The following MYO3B variants were observed in gnomAD, a reference collection of about 807,000 sequenced individuals.
MYO3B encodes myosin-IIIb.
Under a neutral mutation model 174.6 loss-of-function variants are expected in MYO3B, and 156 were observed. The ratio of observed to expected loss-of-function variants is 0.89; its 90% CI spans 0.78 to 1.02. The LOEUF is 1.02. MYO3B is among the 50% of genes least tolerant of loss of function. MYO3B has a pLI of 0.00. For synonymous variants in MYO3B, 563 were observed against 569.1 expected (o/e 0.99, Z 0.15); for missense variants, 1,632 against 1,639.4 (o/e 1.00, Z 0.08).
At chr2:170,355,812 C>T (rs2094115590) in intron 8 of MYO3B, among the ~76,000 whole-genome samples, 1 of 151,996 alleles carries the variant, frequency 6.6e-6, no homozygotes, top group African/African-American at 2.4e-5. Context: ...GGGGCCTGAC[C>T]CTATAAAAAT....
intron 6 of MYO3B, among the ~76,000 whole-genome samples, chr2:170,218,358 C>G (rs756068909): frequency 5.9e-5 from 9 of 151,942 alleles, no homozygotes; most frequent in East Asian, 1.9e-4. Flanking sequence ...AAACATAAAA[C>G]TAGATATAAA....
chr2:170,556,914 T>G (rs1169379626), intron 32 of MYO3B, among the ~76,000 whole-genome samples: 6 of 152,240 alleles, frequency 3.9e-5, no homozygotes, highest in Admixed American at 3.9e-4. Context: ...TTTCACAGCT[T>G]ATTTCTTTCA....
chr2:170,471,238 T>C (rs1324155399), intron 25 of MYO3B, among the ~76,000 whole-genome samples: 1 of 151,934 alleles, frequency 6.6e-6, no homozygotes, highest in Non-Finnish European at 1.5e-5. Context: ...TTAATAGAGA[T>C]GGGGTTTCAC....
intron 25 of MYO3B, among the ~76,000 whole-genome samples, chr2:170,474,617 C>T (rs1685199308): frequency 6.6e-6 from 1 of 151,216 alleles, no homozygotes; most frequent in African/African-American, 2.4e-5. Context: ...GTGGCGCATG[C>T]CTGTAATCCC....
Position 170,382,049 on chromosome 2 carries a change from T to C in MYO3B, c.1005T>C (p.His335=), listed in dbSNP as rs780444576. 3.1e-6 allele frequency: 5 copies of C among 1,613,644 alleles called. No homozygotes were observed. Among genetic ancestry groups the C allele is most frequent in the Middle Eastern group, 3.3e-4 (2 of 6,060 alleles). The part of the protein sequence containing the change: ...HERMHTRRPY[H]VEDAEKYCLE... ...GGATGCATACCAGAAGACCTTATCATGTGGAAGATGCTGAAAAATACTGCC... is the reference window on the plus strand; with the variant it reads ...GGATGCATACCAGAAGACCTTATCACGTGGAAGATGCTGAAAAATACTGCC... The change falls in exon 10 of 35, where the codon CAT becomes CAC. Residue 335 remains histidine (H), a synonymous_variant. Transcript: ENST00000408978.
At chr2:170,378,540 G>T (rs943873688) in intron 9 of MYO3B, among the ~76,000 whole-genome samples, 1 of 152,120 alleles carries the variant, frequency 6.6e-6, no homozygotes, top group Non-Finnish European at 1.5e-5. Context: ...ATATTATTGG[G>T]GAAGATTTTT....
At chr2:170,352,495 T>C (rs1053468611) in intron 8 of MYO3B, among the ~76,000 whole-genome samples, 13 of 152,190 alleles carry the variant, frequency 8.5e-5, no homozygotes, top group Non-Finnish European at 1.8e-4. Flanking sequence ...TTTCTATCTA[T>C]ATGACCATGC....
At chr2:170,529,362 T>TA (rs113651791) in intron 30 of MYO3B, among the ~76,000 whole-genome samples, 14 of 148,586 alleles carry the variant, frequency 9.4e-5, no homozygotes, top group Admixed American at 2.0e-4. Context: ...AAATAAAAGT[T>TA]AAAAAAAAAA....
chr2:170,261,895 T>C (rs1311852369), intron 7 of MYO3B, among the ~76,000 whole-genome samples: 1 of 152,156 alleles, frequency 6.6e-6, no homozygotes, highest in Non-Finnish European at 1.5e-5. Context: ...ATAGCATCAA[T>C]AGAAGATATG....
intron 25 of MYO3B, among the ~76,000 whole-genome samples, chr2:170,478,538 C>G (rs1685457117): frequency 7.1e-6 from 1 of 141,456 alleles, no homozygotes; most frequent in African/African-American, 2.7e-5. Context: ...CACACACACA[C>G]ACACACACAC....
intron 25 of MYO3B, among the ~76,000 whole-genome samples, chr2:170,478,884 T>TTACA (rs1487910380): frequency 9.7e-5 from 5 of 51,388 alleles, no homozygotes; most frequent in Non-Finnish European, 1.1e-4. Flanking sequence ...TATATAGGTT[T>TTACA]TACATACACA....
intron 32 of MYO3B, among the ~76,000 whole-genome samples, chr2:170,599,427 T>C (rs1694361395): frequency 6.6e-6 from 1 of 152,246 alleles, no homozygotes; most frequent in Non-Finnish European, 1.5e-5. Context: ...ATATAGCTGT[T>C]ACAAGTATTT....
chr2:170,413,530 AAC>A (rs1558977555), intron 22 of MYO3B, among the ~76,000 whole-genome samples: 1 of 152,092 alleles, frequency 6.6e-6, no homozygotes, highest in Non-Finnish European at 1.5e-5. Flanking sequence ...GGAAAACTTG[AAC>A]AAGGGTGTTA....
At chr2:170,374,379 A>T (rs1466661852) in intron 9 of MYO3B, among the ~76,000 whole-genome samples, 2 of 152,128 alleles carry the variant, frequency 1.3e-5, no homozygotes, top group Non-Finnish European at 2.9e-5. Context: ...CAGTGAGGGG[A>T]TGATGAGAAA....
chr2:170,301,728 T>C (rs1225039412), intron 7 of MYO3B, among the ~76,000 whole-genome samples: 1 of 152,148 alleles, frequency 6.6e-6, no homozygotes, highest in Non-Finnish European at 1.5e-5. Flanking sequence ...TGTTTCCTGA[T>C]TGTGTGATAC....
intron 32 of MYO3B, among the ~76,000 whole-genome samples, chr2:170,556,153 G>A (rs1486424886): frequency 2.6e-5 from 4 of 151,112 alleles, no homozygotes; most frequent in Admixed American, 6.6e-5. Context: ...CCGAGATCAC[G>A]CCATTGAACT....
intron 7 of MYO3B, among the ~76,000 whole-genome samples, chr2:170,240,045 C>A (rs970443181): frequency 6.6e-6 from 1 of 152,156 alleles, no homozygotes; most frequent in Admixed American, 6.5e-5. Flanking sequence ...GCCTTTCCCA[C>A]GTCTTTGGGT....
At chr2:170,356,782 T>TTTTTTTTTTTTTTTTTTTTTTTGAG (rs2094124784) in intron 8 of MYO3B, among the ~76,000 whole-genome samples, 1 of 152,078 alleles carries the variant, frequency 6.6e-6, no homozygotes, top group South Asian at 2.1e-4. Flanking sequence ...TTTTTATCTT[T>TTTTTTTTTTTTTTTTTTTTTTTGAG]AAAAAAATGT....
chr2:170,344,478 G>C (rs1443221825), intron 8 of MYO3B: 1 of 136,576 alleles, frequency 7.3e-6, no homozygotes, highest in Non-Finnish European at 1.6e-5. Context: ...TTGGGGGGGT[G>C]GGGGGCGGGG....
Sources: gnomAD v4.1 joint callset for allele counts (sites outside exome capture counted in the v4.1 genomes callset) on GRCh38, gnomAD v4.1.1 for gene constraint, MANE v1.5 for transcripts, NCBI Gene and HGNC (gene_info 2026-07-23, HGNC 2026-07-21) for gene names.